CACNA1C: variants seen among roughly 807,000 people sequenced by gnomAD.
The protein encoded by CACNA1C is voltage-dependent L-type calcium channel subunit alpha-1C.
CACNA1C carries 30 observed loss-of-function variants against 229.0 expected under a neutral mutation model. The ratio of observed to expected loss-of-function variants is 0.13; its 90% CI spans 0.10 to 0.18. The LOEUF (loss-of-function observed/expected upper bound fraction) is 0.18, where lower values mean the gene tolerates loss of function less well. Ranked by LOEUF, CACNA1C falls within the 10% of genes least tolerant of loss-of-function variation. The probability of loss-of-function intolerance (pLI) is 1.00; values close to 1 mark genes in which losing one functional copy is unlikely to be tolerated. For missense variants in CACNA1C, 1,658 were observed against 2,845.0 expected (o/e 0.58, Z 9.49); for synonymous variants, 1,114 against 1,132.5 (o/e 0.98, Z 0.33).
intron 1 of CACNA1C, among the ~76,000 whole-genome samples, chr12:1,999,212 T>A (rs919087705): frequency 1.3e-5 from 2 of 152,226 alleles, no homozygotes; most frequent in East Asian, 3.8e-4. Context: ...GATTCTGATG[T>A]ATGCTAGTTT....
intron 3 of CACNA1C, among the ~76,000 whole-genome samples, chr12:2,370,136 A>G (rs2097824902): frequency 6.6e-6 from 1 of 152,254 alleles, no homozygotes; most frequent in Admixed American, 6.5e-5. Context: ...CAGCCTCACT[A>G]GTAAAATAGA....
rs1485117009 is a variant in CACNA1C, at chr12:2,605,425, AC to A, written c.3049-252del. ...ACAAACCCTGTGCCCCTGTGGTGCC[AC>A]CATCCCTATATTCCTTCCACTGTAA... On this transcript the variant is annotated intron_variant, in intron 23 of 46. Coordinates refer to ENST00000399655, the MANE Select transcript of CACNA1C (RefSeq NM_000719.7). The surrounding 1 kb of genome is among the most constrained non-coding windows in gnomAD (Gnocchi z 6.2). 6.6e-6 allele frequency among the ~76,000 whole-genome samples: 1 copy of A among 152,222 alleles called. No individual in the cohort carries two copies. Among genetic ancestry groups the A allele is most frequent in the Non-Finnish European group, 1.5e-5 (1 of 68,038 alleles).
chr12:2,157,517 C>T (rs112781021), intron 3 of CACNA1C, among the ~76,000 whole-genome samples: 9 of 152,352 alleles, frequency 5.9e-5, no homozygotes, highest in African/African-American at 2.2e-4. Context: ...TCCCATAAGC[C>T]TGTACTCTCT....
At chr12:2,544,061 C>T (rs535644271) in intron 9 of CACNA1C, among the ~76,000 whole-genome samples, 5 of 152,024 alleles carry the variant, frequency 3.3e-5, no homozygotes, top group Non-Finnish European at 7.4e-5. Flanking sequence ...GTTTGAGACA[C>T]CTTTCCCTAG....
At chr12:2,661,179 T>C (rs1328074590) in intron 34 of CACNA1C, among the ~76,000 whole-genome samples, 1 of 151,804 alleles carries the variant, frequency 6.6e-6, no homozygotes, top group Non-Finnish European at 1.5e-5. Context: ...GGAGGATCAC[T>C]TGGGCCCAGG....
intron 3 of CACNA1C, among the ~76,000 whole-genome samples, chr12:2,391,102 A>G (rs1222843233): frequency 6.6e-6 from 1 of 152,182 alleles, no homozygotes; most frequent in Non-Finnish European, 1.5e-5. Flanking sequence ...TGAGGAACGC[A>G]AAAATGCCAA....
chr12:2,129,479 ATCTTTATTC>A (rs1297760759), intron 3 of CACNA1C, among the ~76,000 whole-genome samples: 1 of 152,204 alleles, frequency 6.6e-6, no homozygotes, highest in Non-Finnish European at 1.5e-5. Context: ...AGTTTTATCC[ATCTTTATTC>A]ATTTTTTGGG....
intron 3 of CACNA1C, among the ~76,000 whole-genome samples, chr12:2,349,140 C>T (rs1480324068): frequency 6.6e-6 from 1 of 152,194 alleles, no homozygotes; most frequent in Non-Finnish European, 1.5e-5. Flanking sequence ...TGGCATTCAG[C>T]ACTACACCAA....
At chr12:2,501,150 T>A (rs1435737805) in intron 7 of CACNA1C, among the ~76,000 whole-genome samples, 2 of 131,282 alleles carry the variant, frequency 1.5e-5, no homozygotes, top group Non-Finnish European at 3.1e-5. Flanking sequence ...TGGAGCTTGC[T>A]GTGAGCCAAG....
intron 20 of CACNA1C, 21 bp downstream of exon 20, chr12:2,596,024 C>T (rs775910119): frequency 1.9e-6 from 3 of 1,601,844 alleles, no homozygotes; most frequent in African/African-American, 2.7e-5. Flanking sequence ...CCTGTGTCTT[C>T]TGCACTCCTT....
intron 3 of CACNA1C, among the ~76,000 whole-genome samples, chr12:2,302,650 A>G (rs1163715290): frequency 2.0e-5 from 3 of 152,126 alleles, no homozygotes; most frequent in African/African-American, 7.2e-5. Context: ...TTGCTCCTGT[A>G]TGTGCCCTGT....
rs1565742654 is a variant in CACNA1C, at chr12:2,108,974, A to G, written c.50-6250A>G. On this transcript the variant is annotated intron_variant, in intron 1 of 46. Transcript: ENST00000399655. The surrounding 1 kb of genome is among the most constrained non-coding windows in gnomAD (Gnocchi z 5.3). ...CTTCTGGGTGACATGTTGGCCTGAG[A>G]GAAGGCATTTCCTTTGCCCTGCAGA... 6.6e-6 allele frequency among the ~76,000 whole-genome samples: 1 copy of G among 152,198 alleles called. No individual in the cohort carries two copies. The highest frequency in any genetic ancestry group is 1.5e-5 in the Non-Finnish European group (1 of 68,026).
chr12:2,129,993 A>G (rs1386071554), intron 3 of CACNA1C, among the ~76,000 whole-genome samples: 1 of 152,130 alleles, frequency 6.6e-6, no homozygotes, highest in African/African-American at 2.4e-5. Flanking sequence ...GTTTTATAAC[A>G]TTGATTTTGG....
chr12:2,625,108 A>G (rs1003290627), intron 29 of CACNA1C, among the ~76,000 whole-genome samples: 80 of 135,252 alleles, frequency 5.9e-4, no homozygotes, highest in African/African-American at 2.1e-3. Flanking sequence ...CCCGCCCCCC[A>G]TGGCTCTGCA....
At chr12:2,303,360 A>C (rs1043188964) in intron 3 of CACNA1C, among the ~76,000 whole-genome samples, 2 of 152,118 alleles carry the variant, frequency 1.3e-5, no homozygotes, top group African/African-American at 4.8e-5. Context: ...ATGGGTCCTC[A>C]CATGGTATCC....
intron 1 of CACNA1C, among the ~76,000 whole-genome samples, chr12:2,019,127 G>A (rs914371421): frequency 2.0e-5 from 3 of 152,038 alleles, no homozygotes; most frequent in Non-Finnish European, 4.4e-5. Context: ...AGGTTGGCAG[G>A]GCAAAGGGAA....
chr12:2,350,386 A>T (rs1313515767), intron 3 of CACNA1C, among the ~76,000 whole-genome samples: 1 of 152,002 alleles, frequency 6.6e-6, no homozygotes, highest in Non-Finnish European at 1.5e-5. Context: ...ACAGATGAGG[A>T]AGTTGAGGTA....
At position 2,175,633 on chromosome 12, in the gene CACNA1C, A is replaced by C. The variant is rs192769548; in HGVS notation, c.477+55203A>C. 1.8e-4 allele frequency among the ~76,000 whole-genome samples: 28 copies of C among 152,174 alleles called. No homozygotes were observed. In the East Asian group the frequency reaches 5.4e-3, roughly 29 times the overall value. ...ATCAGCCTTTCCCCTGATGGTTTTC[A>C]CATCCATTGACGATTGTTGCCCAGA... On this transcript the variant is annotated intron_variant, in intron 3 of 46. Transcript: ENST00000399655.
At chr12:2,350,630 C>A (rs1477882908) in intron 3 of CACNA1C, among the ~76,000 whole-genome samples, 1 of 152,210 alleles carries the variant, frequency 6.6e-6, no homozygotes, top group African/African-American at 2.4e-5. Context: ...AGCCCGAATG[C>A]CTGGATGATG....
Sources: allele counts gnomAD v4.1 joint callset (sites outside exome capture counted in the v4.1 genomes callset), GRCh38; gene constraint gnomAD v4.1.1; non-coding constraint Gnocchi (gnomAD v3.1); transcripts MANE v1.5; gene names NCBI Gene and HGNC (gene_info 2026-07-23, HGNC 2026-07-21).